Variants in UBXN4 observed in about 807,000 individuals in gnomAD.
The protein encoded by UBXN4 is UBX domain protein 4, also known as UBX domain-containing protein 4.
UBXN4 carries 35 observed loss-of-function variants against 66.2 expected under a neutral mutation model. The observed-to-expected ratio is 0.53, with a 90% CI of 0.40 to 0.70. The LOEUF (loss-of-function observed/expected upper bound fraction) is 0.70. Ranked by LOEUF, UBXN4 falls within the 30% of genes least tolerant of loss-of-function variation. UBXN4 has a pLI of 0.00. For synonymous variants in UBXN4, 203 were observed against 204.5 expected, an observed-to-expected ratio of 0.99 and a Z score of 0.06; for missense variants, 533 against 599.8, an observed-to-expected ratio of 0.89 and a Z score of 1.16.
At chr2:135,764,895 A>G (rs1014008258) in intron 6 of UBXN4, among the ~76,000 whole-genome samples, 2 of 151,984 alleles carry the variant, frequency 1.3e-5, no homozygotes, top group South Asian at 2.1e-4. Context: ...GCTCACTGCA[A>G]CCTCCTCCAC....
At chr2:135,742,289 G>A (rs1190661922) in intron 1 of UBXN4, among the ~76,000 whole-genome samples, 1 of 152,200 alleles carries the variant, frequency 6.6e-6, no homozygotes. Context: ...GCCCGTGGCT[G>A]TTCAGCGCCT....
Position 135,759,046 on chromosome 2 carries a change from C to T in UBXN4, c.509-2772C>T, listed in dbSNP as rs572168546. Among the ~76,000 whole-genome samples, 4 of 152,250 alleles carry T rather than the reference C, an allele frequency of 2.6e-5. No homozygotes were observed. In the South Asian group the frequency reaches 8.3e-4, roughly 31 times the overall value. ...GTGCTGGGATTGTAGGCGTAAGCCA[C>T]TGCGCCCAGCCAAAATAAATTTTAA... is the stretch of plus-strand genomic sequence containing the variant. On this transcript the variant is annotated intron_variant, in intron 5 of 12. Transcript: ENST00000272638.
intron 9 of UBXN4, 138 bp downstream of exon 9, chr2:135,772,685 A>C (rs1012767236): frequency 9.2e-7 from 1 of 1,089,394 alleles, no homozygotes; most frequent in African/African-American, 1.6e-5. Flanking sequence ...ACAGCTCCCA[A>C]TGGTATCTCT....
At position 135,746,231 on chromosome 2, in the gene UBXN4, T is replaced by C. The variant is rs970303576; in HGVS notation, c.83-2036T>C. On this transcript the variant is annotated intron_variant, in intron 1 of 12. Transcript: ENST00000272638. The stretch of plus-strand genomic sequence containing the variant: ...TTCCTGAATCTCATCTCACAAAATA[T>C]ATGCAAATAAACAGCATTAGAGTCA... 1.3e-5 allele frequency among the ~76,000 whole-genome samples: 2 copies of C among 152,178 alleles called. 1 individual carries two copies. Among genetic ancestry groups the C allele is most frequent in the Non-Finnish European group, 2.9e-5 (2 of 68,022 alleles).
At chr2:135,752,717 A>G (rs2077251574) in intron 2 of UBXN4, among the ~76,000 whole-genome samples, 1 of 152,100 alleles carries the variant, frequency 6.6e-6, no homozygotes, top group Non-Finnish European at 1.5e-5. Context: ...GGGTTGTAAG[A>G]GCAAATAGTT....
intron 8 of UBXN4, 50 bp downstream of exon 8, chr2:135,770,785 T>C: frequency 7.1e-7 from 1 of 1,406,324 alleles, no homozygotes; most frequent in Non-Finnish European, 9.3e-7. Context: ...CTGTGCACAG[T>C]AGCTTTAGAT....
rs149166901 is a variant in UBXN4, at chr2:135,774,632, G to T, written c.951-1617G>T. Among the ~76,000 whole-genome samples the T allele has an allele frequency of 7.2e-4, 110 of 152,200 alleles. No homozygotes were observed. In the East Asian group the frequency reaches 0.019, roughly 27 times the overall value. ...GACTGAGGCAGGCGGATCACTTACG[G>T]CCAGGAGTTCAAAACCAGCCTCGCC... On this transcript the variant is annotated intron_variant, in intron 9 of 12. Coordinates refer to ENST00000272638, the MANE Select transcript of UBXN4 (RefSeq NM_014607.4).
chr2:135,780,412 T>C, intron 12 of UBXN4, 27 bp downstream of exon 12: 1 of 1,601,976 alleles, frequency 6.2e-7, no homozygotes, highest in Non-Finnish European at 8.6e-7. Flanking sequence ...TCCCCATTTA[T>C]AAAATATGTA....
At chr2:135,755,714 G>A in intron 5 of UBXN4, 23 bp downstream of exon 5, 1 of 1,400,656 alleles carries the variant, frequency 7.1e-7, no homozygotes, top group Non-Finnish European at 9.4e-7. Context: ...GTACCTTTTT[G>A]AGTGCAATAG....
intron 10 of UBXN4, among the ~76,000 whole-genome samples, chr2:135,778,130 T>TCG (rs2077429010): frequency 7.0e-6 from 1 of 142,762 alleles, no homozygotes; most frequent in African/African-American, 2.6e-5. Flanking sequence ...TGAGCCAAGA[T>TCG]CGCGCCACTG....
chr2:135,782,982 C>A lies in UBXN4; in HGVS notation c.*95C>A. On this transcript the variant is annotated 3_prime_UTR_variant, in exon 13 of 13. Transcript: ENST00000272638. ...AGAAGTGGGACTGCTTTATATTTTC[C>A]AACTGGTCTATAAAATGTCTCTTTA... is the stretch of plus-strand genomic sequence containing the variant. 1 of 1,346,336 alleles carries A rather than the reference C, an allele frequency of 7.4e-7. No individual in the cohort carries two copies. The highest frequency in any genetic ancestry group is 1.5e-5 in the African/African-American group (1 of 68,308). 83.4% of individuals were successfully genotyped at this position (1,346,336 alleles called of 1,614,324 possible).
chr2:135,763,747 G>A (rs1397313608), intron 6 of UBXN4, among the ~76,000 whole-genome samples: 1 of 151,838 alleles, frequency 6.6e-6, no homozygotes, highest in African/African-American at 2.4e-5. Context: ...GATCACCTGA[G>A]CCCAGGAGGT....
chr2:135,745,917 C>T lies in UBXN4; in HGVS notation c.83-2350C>T, dbSNP rs1412887097. The stretch of plus-strand genomic sequence containing the variant: ...TTTTTGAGATGGAGTCTCACTCTGC[C>T]GCCAGGCTGGAGTACAGTGGTGCAA... On this transcript the variant is annotated intron_variant, in intron 1 of 12. Coordinates refer to ENST00000272638, the MANE Select transcript of UBXN4 (RefSeq NM_014607.4). Among the ~76,000 whole-genome samples, 20 of 112,928 alleles carry T rather than the reference C, an allele frequency of 1.8e-4. No homozygotes were observed. In the Admixed American group the frequency reaches 2.5e-3, roughly 14 times the overall value. 74.1% of individuals were successfully genotyped at this position (112,928 alleles called of 152,430 possible).
intron 5 of UBXN4, among the ~76,000 whole-genome samples, chr2:135,756,515 A>G (rs2077279230): frequency 6.6e-6 from 1 of 152,216 alleles, no homozygotes; most frequent in South Asian, 2.1e-4. Context: ...CAGGTTTTGA[A>G]TATTTGAAAT....
At position 135,783,506 on chromosome 2, in the gene UBXN4, C is replaced by T. The variant is rs934413858; in HGVS notation, c.*619C>T. 6.6e-6 allele frequency: 1 copy of T among 150,894 alleles called. No homozygotes were observed. The highest frequency in any genetic ancestry group is 2.4e-5 in the African/African-American group (1 of 41,022). The allele number at this position is 150,894 out of a possible 1,614,324, so 9.3% of individuals were successfully genotyped here. A position where few individuals can be genotyped will look rare whatever the true frequency, so the allele number is the denominator to read the frequency against. On this transcript the variant is annotated 3_prime_UTR_variant, in exon 13 of 13. Transcript: ENST00000272638. ...TATGTCTCTGATTTTTTTTTTTCCCCAGTATTGCCCTGGAGCTGTCTCTGG... is the reference window on the plus strand; with the variant it reads ...TATGTCTCTGATTTTTTTTTTTCCCTAGTATTGCCCTGGAGCTGTCTCTGG...
intron 4 of UBXN4, 146 bp downstream of exon 4, chr2:135,754,423 A>G (rs2077267218): frequency 1.6e-6 from 1 of 617,950 alleles, no homozygotes; most frequent in Admixed American, 2.6e-5. Flanking sequence ...CCCAGGTTCA[A>G]GTGATTCTCC....
chr2:135,771,401 A>G (rs1055101363), intron 8 of UBXN4, among the ~76,000 whole-genome samples: 1 of 151,878 alleles, frequency 6.6e-6, no homozygotes, highest in Non-Finnish European at 1.5e-5. Context: ...ACTTGAACCT[A>G]GGAGGTGGAA....
Position 135,770,581 on chromosome 2 carries a change from A to G in UBXN4, c.668A>G (p.Lys223Arg). ...KRKEEEQREI[K>R]KEIERRKTGK... ...TTTTCTTTAATTCAGAGAGAAATTA[A>G]GAAGGAAATTGAGAGGAGAAAAACT... Residue 223 changes from lysine (K) to arginine (R), a missense_variant, in exon 8 of 13, where the codon AAG (lysine) becomes AGG (arginine). Around this residue, in one of 2 missense-constraint regions of UBXN4, gnomAD observed 529 missense variants for 580.1 expected, o/e 0.91. Transcript: ENST00000272638. The G allele has an allele frequency of 6.7e-7, 1 of 1,497,450 alleles. No homozygotes were observed. Among genetic ancestry groups the G allele is most frequent in the Admixed American group, 2.5e-5 (1 of 39,320 alleles). 92.8% of individuals were successfully genotyped at this position (1,497,450 alleles called of 1,614,324 possible).
chr2:135,781,782 CT>C (rs2077452095), intron 12 of UBXN4, among the ~76,000 whole-genome samples: 1 of 152,140 alleles, frequency 6.6e-6, no homozygotes, highest in South Asian at 2.1e-4. Context: ...ATTTTTAAAA[CT>C]TTTTTCAGGC....
Sources: gnomAD v4.1 joint callset for allele counts (sites outside exome capture counted in the v4.1 genomes callset) on GRCh38, gnomAD v4.1.1 for gene constraint, gnomAD v4.1.1 regional missense constraint, MANE v1.5 for transcripts, NCBI Gene and HGNC (gene_info 2026-07-23, HGNC 2026-07-21) for gene names.